SLC23A2: variants seen among roughly 807,000 people sequenced by gnomAD.
The protein encoded by SLC23A2 is solute carrier family 23 member 2, also known as Na(+)/L-ascorbic acid transporter 2.
Under a neutral mutation model 73.3 loss-of-function variants are expected in SLC23A2, and 36 were observed. That is an observed-to-expected ratio of 0.49 (90% CI 0.38 to 0.65). The LOEUF is 0.65. SLC23A2 is among the 30% of genes least tolerant of loss of function. The probability of loss-of-function intolerance (pLI) is 0.00; values close to 1 mark genes in which losing one functional copy is unlikely to be tolerated. For synonymous variants in SLC23A2, 343 were observed against 327.3 expected, an observed-to-expected ratio of 1.05 and a Z score of -0.52; for missense variants, 507 against 841.6, an observed-to-expected ratio of 0.60 and a Z score of 4.92.
At chr20:4,886,026 A>G in intron 6 of SLC23A2, 117 bp from the exon 7 acceptor site, 2 of 626,554 alleles carry the variant, frequency 3.2e-6, no homozygotes, top group Non-Finnish European at 5.6e-6. Flanking sequence ...AAATGCAGGC[A>G]CACCTAGAAG....
At chr20:4,894,731 C>T (rs1272833041) in intron 6 of SLC23A2, among the ~76,000 whole-genome samples, 1 of 150,878 alleles carries the variant, frequency 6.6e-6, no homozygotes, top group African/African-American at 2.4e-5. Context: ...TGCAAAGACA[C>T]ACATCTGTTT....
rs749326037 is a variant in SLC23A2 at position 4,859,434 on chromosome 20, C to A, written c.1625-50G>T. On this transcript the variant is annotated intron_variant, in intron 15 of 16. Transcript: ENST00000338244. ...CGATCAGTGCCACAGCAGCGGTGAG[C>A]CTGCCCTTGACTTGGGAAGGGGCAA... The A allele has an allele frequency of 8.0e-5, 101 of 1,264,272 alleles. No individual in the cohort carries two copies. The South Asian group carries it at 1.2e-3, about 15-fold the overall frequency. 78.3% of individuals were successfully genotyped at this position (1,264,272 alleles called of 1,614,324 possible). A position where few individuals can be genotyped will look rare whatever the true frequency, so the allele number is the denominator to read the frequency against.
intron 2 of SLC23A2, among the ~76,000 whole-genome samples, chr20:4,969,417 A>T (rs1201769248): frequency 1.3e-5 from 2 of 152,162 alleles, no homozygotes; most frequent in Non-Finnish European, 2.9e-5. Flanking sequence ...ATTTTTTTAA[A>T]AGGAGTGATC....
intron 6 of SLC23A2, among the ~76,000 whole-genome samples, chr20:4,898,393 G>A (rs1025861191): frequency 6.6e-6 from 1 of 152,172 alleles, no homozygotes; most frequent in Non-Finnish European, 1.5e-5. Context: ...CCCTATCCCC[G>A]TGCCGCGTTA....
chr20:4,956,228 T>C (rs574954216), intron 2 of SLC23A2, among the ~76,000 whole-genome samples: 4 of 152,348 alleles, frequency 2.6e-5, no homozygotes, highest in Non-Finnish European at 5.9e-5. Context: ...CATTTCTGTC[T>C]TTCCAGATAA....
intron 2 of SLC23A2, among the ~76,000 whole-genome samples, chr20:4,952,074 A>G (rs542320217): frequency 7.4e-6 from 1 of 135,302 alleles, no homozygotes; most frequent in Non-Finnish European, 1.5e-5. Flanking sequence ...ACCACACTCC[A>G]GCCTGGGCGA....
intron 3 of SLC23A2, among the ~76,000 whole-genome samples, chr20:4,927,707 G>A (rs1007935323): frequency 2.0e-5 from 3 of 152,076 alleles, no homozygotes; most frequent in African/African-American, 7.3e-5. Flanking sequence ...ATAAAATCTT[G>A]ATGAGAATCC....
At chr20:4,867,057 TAAA>T in intron 13 of SLC23A2, among the ~76,000 whole-genome samples, 1 of 76,484 alleles carries the variant, frequency 1.3e-5, no homozygotes, top group South Asian at 6.5e-4. Flanking sequence ...AAGCGATCCC[TAAA>T]AAAAAAAAAA....
chr20:4,999,181 C>T (rs2088074388), intron 1 of SLC23A2, among the ~76,000 whole-genome samples: 1 of 152,136 alleles, frequency 6.6e-6, no homozygotes, highest in Non-Finnish European at 1.5e-5. Context: ...AATATAGGTC[C>T]CCAAATAGAT....
upstream of SLC23A2, among the ~76,000 whole-genome samples, chr20:5,006,486 G>A (rs184205929): frequency 1.2e-4 from 19 of 152,024 alleles, no homozygotes; most frequent in Non-Finnish European, 2.4e-4. Context: ...TGCTTACTTG[G>A]GGTTCAAAGT....
At chr20:4,875,967 G>A (rs972648452) in intron 9 of SLC23A2, among the ~76,000 whole-genome samples, 2 of 152,174 alleles carry the variant, frequency 1.3e-5, no homozygotes, top group African/African-American at 2.4e-5. Flanking sequence ...CAGCCCGGCT[G>A]GAGAACATGC....
chr20:4,956,410 G>A (rs555490723), intron 2 of SLC23A2, among the ~76,000 whole-genome samples: 91 of 152,314 alleles, frequency 6.0e-4, no homozygotes, highest in African/African-American at 1.7e-3. Flanking sequence ...CTAGTGTTAC[G>A]AAATCTAATG....
intron 1 of SLC23A2, among the ~76,000 whole-genome samples, chr20:4,983,321 T>C (rs2087756087): frequency 1.3e-5 from 2 of 151,980 alleles, no homozygotes; most frequent in Admixed American, 1.3e-4. Context: ...ACATAGAGAC[T>C]TTAACAAAAA....
intron 2 of SLC23A2, among the ~76,000 whole-genome samples, chr20:4,962,892 G>C (rs533030744): frequency 1.3e-5 from 2 of 152,224 alleles, no homozygotes; most frequent in South Asian, 2.1e-4. Flanking sequence ...AGCTACTCAG[G>C]GGGCTGAGGC....
rs1384049715 is a variant in SLC23A2, at chr20:4,976,000, C to T, written c.-281-5081G>A. Among the ~76,000 whole-genome samples the T allele has an allele frequency of 2.0e-5, 3 of 151,604 alleles. No individual in the cohort carries two copies. In the South Asian group the frequency reaches 6.3e-4, roughly 32 times the overall value. Reference sequence around the variant, plus strand: ...TCCCGAGTAGCTGGGATTACGGGCACCTGTCACCAGGCCCGGCTAATTTTT... The same window carrying T: ...TCCCGAGTAGCTGGGATTACGGGCATCTGTCACCAGGCCCGGCTAATTTTT... On this transcript the variant is annotated intron_variant, in intron 1 of 16. Transcript: ENST00000338244.
intron 11 of SLC23A2, 53 bp from the exon 12 acceptor site, chr20:4,870,106 C>G: frequency 6.8e-7 from 1 of 1,475,696 alleles, no homozygotes; most frequent in Admixed American, 2.1e-5. Context: ...CGAAAGTGAC[C>G]AGGACCAGTT....
chr20:4,967,088 G>C (rs1002067914), intron 2 of SLC23A2, among the ~76,000 whole-genome samples: 6 of 151,712 alleles, frequency 4.0e-5, no homozygotes, highest in African/African-American at 1.5e-4. Context: ...GGAGGCAGGG[G>C]CTCTTTGAGG....
intron 2 of SLC23A2, among the ~76,000 whole-genome samples, chr20:4,964,977 G>GT (rs35705776): frequency 1.3e-5 from 2 of 151,430 alleles, no homozygotes; most frequent in South Asian, 2.1e-4. Context: ...ATTATATGTG[G>GT]TTTTTTTTCC....
At chr20:4,961,295 A>T (rs566985952) in intron 2 of SLC23A2, among the ~76,000 whole-genome samples, 2 of 151,804 alleles carry the variant, frequency 1.3e-5, no homozygotes, top group Admixed American at 6.6e-5. Context: ...GTTAGCCAGG[A>T]TGGTCTCGAT....
Sources: gnomAD v4.1 joint callset for allele counts (sites outside exome capture counted in the v4.1 genomes callset) on GRCh38, gnomAD v4.1.1 for gene constraint, MANE v1.5 for transcripts, NCBI Gene and HGNC (gene_info 2026-07-23, HGNC 2026-07-21) for gene names.